ALMS1: variants seen among roughly 807,000 people sequenced by gnomAD.
ALMS1 encodes ALMS1 centrosome and basal body associated protein, also known as centrosome-associated protein ALMS1.
Under a neutral mutation model 352.2 loss-of-function variants are expected in ALMS1, and 271 were observed. That is an observed-to-expected ratio of 0.77 (90% CI 0.70 to 0.85). The LOEUF is 0.85. Among genes scored for constraint, ALMS1 ranks in the 40% least tolerant of loss-of-function variants. The probability of loss-of-function intolerance (pLI) is 0.00; values close to 1 mark genes in which losing one functional copy is unlikely to be tolerated. For missense variants in ALMS1, 5,445 were observed against 4,870.7 expected (o/e 1.12, Z -3.51); for synonymous variants, 1,865 against 1,761.2 (o/e 1.06, Z -1.48).
chr2:73,512,232 G>A (rs767949205), intron 10 of ALMS1, among the ~76,000 whole-genome samples: 15 of 151,840 alleles, frequency 9.9e-5, no homozygotes, highest in Non-Finnish European at 1.9e-4. Flanking sequence ...CTACAGGTGC[G>A]TACCACCACG....
intron 11 of ALMS1, among the ~76,000 whole-genome samples, chr2:73,532,267 G>T (rs1673930289): frequency 6.6e-6 from 1 of 152,122 alleles, no homozygotes; most frequent in Non-Finnish European, 1.5e-5. Flanking sequence ...TTTGTTCAAG[G>T]CCCTGGGGCT....
Position 73,489,060 on chromosome 2 carries a change from A to G in ALMS1, c.7675-574A>G, listed in dbSNP as rs549893389. Among the ~76,000 whole-genome samples, 9 of 152,356 alleles carry G rather than the reference A, an allele frequency of 5.9e-5. No individual in the cohort carries two copies. In the East Asian group the frequency reaches 1.2e-3, roughly 20 times the overall value. On this transcript the variant is annotated intron_variant, in intron 9 of 22. Transcript: ENST00000613296. ...TCCAGGGACCCAAGCTGGCTGGACAACTAAGCTGTCTTACACATGACTTCC... is the reference window on the plus strand; with the variant it reads ...TCCAGGGACCCAAGCTGGCTGGACAGCTAAGCTGTCTTACACATGACTTCC...
chr2:73,457,743 A>C (rs1038603638), intron 9 of ALMS1, among the ~76,000 whole-genome samples: 2 of 152,096 alleles, frequency 1.3e-5, no homozygotes, highest in Non-Finnish European at 2.9e-5. Flanking sequence ...AAAAAGTCTA[A>C]AACTTTTGGC....
intron 9 of ALMS1, among the ~76,000 whole-genome samples, chr2:73,474,517 G>A (rs936283926): frequency 3.9e-5 from 6 of 151,932 alleles, no homozygotes; most frequent in Non-Finnish European, 5.9e-5. Context: ...CTCAGTCACC[G>A]AGGCTGGAGT....
At chr2:73,455,555 C>T (rs916519718) in intron 9 of ALMS1, among the ~76,000 whole-genome samples, 3 of 152,104 alleles carry the variant, frequency 2.0e-5, no homozygotes, top group Admixed American at 6.6e-5. Context: ...ATGTGTGTAC[C>T]GCCCTGCTCG....
intron 9 of ALMS1, among the ~76,000 whole-genome samples, chr2:73,464,330 A>G (rs922744866): frequency 7.2e-5 from 11 of 152,338 alleles, no homozygotes; most frequent in South Asian, 2.1e-4. Flanking sequence ...TATACACAGA[A>G]CCAAAGACAA....
At chr2:73,533,805 CTA>C (rs1331762355) in intron 11 of ALMS1, among the ~76,000 whole-genome samples, 1 of 152,148 alleles carries the variant, frequency 6.6e-6, no homozygotes, top group Non-Finnish European at 1.5e-5. Context: ...TTCTTAATGA[CTA>C]TACACGTGCT....
At chr2:73,568,388 T>C (rs889412503) in intron 15 of ALMS1, among the ~76,000 whole-genome samples, 4 of 152,166 alleles carry the variant, frequency 2.6e-5, no homozygotes, top group African/African-American at 9.6e-5. Flanking sequence ...ACAGATAAAG[T>C]TGTACCTAGA....
chr2:73,441,935 G>A (rs569736818), intron 7 of ALMS1, among the ~76,000 whole-genome samples: 3 of 152,154 alleles, frequency 2.0e-5, no homozygotes, highest in Admixed American at 2.0e-4. Context: ...GGGGAAGTGA[G>A]GTAAAGATCT....
In ALMS1 at chr2:73,530,053, A is replaced by C. The variant is rs547983846; in HGVS notation, c.9782-4771A>C. Among the ~76,000 whole-genome samples the C allele has an allele frequency of 2.2e-3, 340 of 152,014 alleles. 1 individual carries two copies. The highest frequency in any genetic ancestry group is 1.8e-3 in the Non-Finnish European group (121 of 68,004). On this transcript the variant is annotated intron_variant, in intron 11 of 22. Coordinates refer to ENST00000613296, the MANE Select transcript of ALMS1 (RefSeq NM_001378454.1). ...GATTTGGCTAGGGACACAGAGCCAA[A>C]CCATATTATTCCACTCCTGGCCCCT...
intron 1 of ALMS1, among the ~76,000 whole-genome samples, chr2:73,395,028 GTATA>G (rs1396563153): frequency 2.3e-5 from 3 of 130,448 alleles, no homozygotes; most frequent in Admixed American, 1.6e-4. Context: ...ATATATATGT[GTATA>G]TATATGTGTG....
intron 12 of ALMS1, among the ~76,000 whole-genome samples, chr2:73,538,779 G>C (rs140224167): frequency 1.3e-5 from 2 of 152,162 alleles, no homozygotes. Flanking sequence ...ACGGAGCCTC[G>C]CTCATTGCTA....
In ALMS1 at chr2:73,601,277, C is replaced by T. The variant is rs2104195791; in HGVS notation, c.11955C>T (p.Ile3985=). The change falls in exon 19 of 23, where the codon ATC becomes ATT. Residue 3985 remains isoleucine (I), a synonymous_variant. Coordinates refer to ENST00000613296, the MANE Select transcript of ALMS1 (RefSeq NM_001378454.1). Reference sequence around the variant, plus strand: ...TGCCTAACACTTGTGGCCCTGGCATCTCCTGGTTTGAACCAATAACCAAGA... The same window carrying T: ...TGCCTAACACTTGTGGCCCTGGCATTTCCTGGTTTGAACCAATAACCAAGA... ...ENVPNTCGPG[I]SWFEPITKTR... is the part of the protein sequence containing the mutation. 6.2e-7 allele frequency: 1 copy of T among 1,614,204 alleles called. No individual in the cohort carries two copies. The highest frequency in any genetic ancestry group is 1.3e-5 in the African/African-American group (1 of 75,040).
rs1674563811 is a variant in ALMS1, at chr2:73,557,161, C to T, written c.10079-59C>T. On this transcript the variant is annotated intron_variant, in intron 13 of 22. Transcript: ENST00000613296. ...TGTTTGTAATTGTGGGGGAGGATTACTTGTCTGTTGTGTTTATTATCTTTC... is the reference window on the plus strand; with the variant it reads ...TGTTTGTAATTGTGGGGGAGGATTATTTGTCTGTTGTGTTTATTATCTTTC... The T allele has an allele frequency of 3.7e-6, 6 of 1,609,122 alleles. No individual in the cohort carries two copies. The East Asian group carries it at 1.3e-4, about 36-fold the overall frequency.
intron 17 of ALMS1, 37 bp downstream of exon 17, chr2:73,599,558 A>G: frequency 1.2e-6 from 2 of 1,601,350 alleles, no homozygotes; most frequent in Non-Finnish European, 1.7e-6. Context: ...ATTGAAATAC[A>G]TTGAAATGGC....
intron 9 of ALMS1, among the ~76,000 whole-genome samples, chr2:73,462,353 A>C (rs1233592324): frequency 6.6e-6 from 1 of 152,220 alleles, no homozygotes; most frequent in South Asian, 2.1e-4. Context: ...ATCCAGCGAA[A>C]CTAAGCTTCA....
intron 16 of ALMS1, among the ~76,000 whole-genome samples, chr2:73,580,405 C>T: frequency 6.6e-6 from 1 of 152,146 alleles, no homozygotes; most frequent in Non-Finnish European, 1.5e-5. Flanking sequence ...TTCATATTTT[C>T]TATTTGATTC....
At position 73,520,014 on chromosome 2, in the gene ALMS1, A is replaced by G. The variant is rs745518051; in HGVS notation, c.9779A>G (p.Asp3260Gly). 1.9e-6 allele frequency: 3 copies of G among 1,613,940 alleles called. No homozygotes were observed. Among genetic ancestry groups the G allele is most frequent in the Middle Eastern group, 1.6e-4 (1 of 6,084 alleles). Residue 3260 changes from aspartate (D) to glycine (G), a missense_variant and splice_region_variant, in exon 11 of 23, where the codon GAT (aspartate) becomes GGT (glycine). Asp to Gly is a moderately conservative substitution (Grantham distance 94). Coordinates refer to ENST00000613296, the MANE Select transcript of ALMS1 (RefSeq NM_001378454.1). ...VQQVTFSRGT[D>G]GQPLLLPYKP... ...CAGGTTACTTTTTCTCGCGGCACAG[A>G]TGGTAAGAGAATGTGATTGCATTTT...
intron 13 of ALMS1, among the ~76,000 whole-genome samples, chr2:73,552,178 A>G (rs977623794): frequency 1.3e-5 from 2 of 152,168 alleles, no homozygotes; most frequent in Non-Finnish European, 2.9e-5. Context: ...AGCATTAGGT[A>G]TATCTCCTAA....
Sources: allele counts gnomAD v4.1 joint callset (sites outside exome capture counted in the v4.1 genomes callset), GRCh38; gene constraint gnomAD v4.1.1; transcripts MANE v1.5; gene names NCBI Gene and HGNC (gene_info 2026-07-23, HGNC 2026-07-21).